Variants in ADCY2 observed in about 807,000 individuals in gnomAD.
The protein encoded by ADCY2 is adenylate cyclase 2.
Under a neutral mutation model 125.2 loss-of-function variants are expected in ADCY2, and 31 were observed. That is an observed-to-expected ratio of 0.25 (90% confidence interval 0.19 to 0.33). ADCY2 has a LOEUF of 0.33. Ranked by LOEUF, ADCY2 falls within the 10% of genes least tolerant of loss-of-function variation. The pLI, the probability that ADCY2 is intolerant of heterozygous loss-of-function variation, is 1.00. For missense variants in ADCY2, 904 were observed against 1,418.2 expected, an observed-to-expected ratio of 0.64 and a Z score of 5.82; for synonymous variants, 512 against 548.4, an observed-to-expected ratio of 0.93 and a Z score of 0.93.
intron 2 of ADCY2, among the ~76,000 whole-genome samples, chr5:7,449,210 G>A (rs1010874025): frequency 1.4e-4 from 21 of 152,028 alleles, no homozygotes; most frequent in African/African-American, 4.6e-4. Flanking sequence ...GTTTTGATTT[G>A]CATTTCTCTA....
At chr5:7,759,009 C>T (rs928491409) in intron 16 of ADCY2, among the ~76,000 whole-genome samples, 1 of 152,162 alleles carries the variant, frequency 6.6e-6, no homozygotes, top group Non-Finnish European at 1.5e-5. Flanking sequence ...GGTGATGCCA[C>T]CTGGACCCCA....
intron 7 of ADCY2, among the ~76,000 whole-genome samples, chr5:7,702,396 A>T (rs1028906371): frequency 2.7e-5 from 4 of 150,058 alleles, no homozygotes; most frequent in Admixed American, 1.3e-4. Context: ...ACCCCACGAC[A>T]GGCCCCGGTA....
At chr5:7,503,021 T>A (rs527852173) in intron 2 of ADCY2, among the ~76,000 whole-genome samples, 1 of 152,306 alleles carries the variant, frequency 6.6e-6, no homozygotes, top group South Asian at 2.1e-4. Flanking sequence ...GAGCTGTTTG[T>A]CTGGTGCCTA....
chr5:7,468,984 G>A (rs541181594), intron 2 of ADCY2, among the ~76,000 whole-genome samples: 3 of 152,164 alleles, frequency 2.0e-5, no homozygotes, highest in Admixed American at 2.0e-4. Context: ...GTCCTTACAA[G>A]GTCAAGGCAG....
intron 3 of ADCY2, among the ~76,000 whole-genome samples, chr5:7,529,958 T>C (rs571207375): frequency 4.6e-5 from 7 of 152,362 alleles, no homozygotes; most frequent in African/African-American, 1.7e-4. Context: ...CACTTCTGTC[T>C]TTCCCTACAG....
intron 3 of ADCY2, among the ~76,000 whole-genome samples, chr5:7,610,750 C>A (rs926055176): frequency 3.3e-5 from 5 of 152,078 alleles, no homozygotes; most frequent in Non-Finnish European, 7.4e-5. Flanking sequence ...GGCTTAGACT[C>A]CCTGTTGCCT....
chr5:7,652,880 A>T (rs1739145946), intron 4 of ADCY2, among the ~76,000 whole-genome samples: 1 of 152,148 alleles, frequency 6.6e-6, no homozygotes, highest in Non-Finnish European at 1.5e-5. Context: ...TATTACATAC[A>T]TTTTTCAGTG....
chr5:7,783,618 T>A (rs1000796944), intron 18 of ADCY2, among the ~76,000 whole-genome samples: 1 of 152,218 alleles, frequency 6.6e-6, no homozygotes, highest in Non-Finnish European at 1.5e-5. Flanking sequence ...ATGCTGCTTA[T>A]GTGACGTGGT....
intron 20 of ADCY2, among the ~76,000 whole-genome samples, chr5:7,790,827 G>A (rs1051542699): frequency 1.3e-5 from 2 of 152,182 alleles, no homozygotes; most frequent in Non-Finnish European, 2.9e-5. Context: ...AAACGGGGTA[G>A]ACAAGAGATG....
At chr5:7,452,954 T>G (rs941357037) in intron 2 of ADCY2, among the ~76,000 whole-genome samples, 2 of 152,170 alleles carry the variant, frequency 1.3e-5, no homozygotes, top group Admixed American at 1.3e-4. Context: ...GGATTATTTG[T>G]TTTTGTCCTT....
At chr5:7,739,622 A>G (rs952161355) in intron 14 of ADCY2, among the ~76,000 whole-genome samples, 9 of 150,976 alleles carry the variant, frequency 6.0e-5, no homozygotes, top group Admixed American at 5.9e-4. Flanking sequence ...AAGCCAAAAT[A>G]TGGCTCTTTG....
At position 7,825,014 on chromosome 5, in the gene ADCY2, C is replaced by CCTGTGTGCCATAACACTG. The variant is rs1399439749; in HGVS notation, c.3124-1684_3124-1667dup. 5.9e-5 allele frequency among the ~76,000 whole-genome samples: 9 copies of CCTGTGTGCCATAACACTG among 152,326 alleles called. No homozygotes were observed. The East Asian group carries it at 7.7e-4, about 13-fold the overall frequency. ...ACAACCAAAATTGTGCCATAACACC[C>CCTGTGTGCCATAACACTG]CTGTGTGCCATAACACTGCTGTGTG... On this transcript the variant is annotated intron_variant, in intron 24 of 24. Transcript: ENST00000338316.
chr5:7,787,628 G>A (rs955693665), intron 19 of ADCY2, among the ~76,000 whole-genome samples: 1 of 152,008 alleles, frequency 6.6e-6, no homozygotes, highest in African/African-American at 2.4e-5. Flanking sequence ...TGCATTGCTT[G>A]GGAAGGTGAT....
chr5:7,557,409 G>A (rs1735560353), intron 3 of ADCY2, among the ~76,000 whole-genome samples: 1 of 152,040 alleles, frequency 6.6e-6, no homozygotes, highest in Admixed American at 6.5e-5. Context: ...GGGTACATGT[G>A]TAGGTTTGTT....
intron 3 of ADCY2, among the ~76,000 whole-genome samples, chr5:7,582,578 A>G (rs1330472480): frequency 6.6e-6 from 1 of 152,172 alleles, no homozygotes; most frequent in Non-Finnish European, 1.5e-5. Flanking sequence ...TTTTGACCAT[A>G]TTAAGTTTAT....
At chr5:7,564,517 C>T (rs1270506293) in intron 3 of ADCY2, among the ~76,000 whole-genome samples, 1 of 152,152 alleles carries the variant, frequency 6.6e-6, no homozygotes, top group Non-Finnish European at 1.5e-5. Context: ...CTGATTCCTT[C>T]AAGGCCACCC....
intron 2 of ADCY2, among the ~76,000 whole-genome samples, chr5:7,448,405 T>C (rs573852031): frequency 6.6e-6 from 1 of 152,300 alleles, no homozygotes; most frequent in South Asian, 2.1e-4. Context: ...AGCAGATGGC[T>C]CTGACTTATT....
intron 22 of ADCY2, among the ~76,000 whole-genome samples, chr5:7,809,154 T>C (rs1264175798): frequency 6.6e-6 from 1 of 152,216 alleles, no homozygotes; most frequent in Non-Finnish European, 1.5e-5. Context: ...TTGTACCGTG[T>C]TTTGCATATT....
Position 7,763,293 on chromosome 5 carries a change from A to G in ADCY2, c.2095-3394A>G, listed in dbSNP as rs539734409. On this transcript the variant is annotated intron_variant, in intron 16 of 24. Coordinates refer to ENST00000338316, the MANE Select transcript of ADCY2 (RefSeq NM_020546.3). The stretch of plus-strand genomic sequence containing the variant: ...TTTTTAGTAGAGACGGGGTTTCACC[A>G]TGTTAGCCAAGATGGTCTCGATCTC... 2.6e-3 allele frequency among the ~76,000 whole-genome samples: 395 copies of G among 151,870 alleles called. 1 individual carries two copies. Among genetic ancestry groups the G allele is most frequent in the Non-Finnish European group, 4.4e-3 (298 of 67,936 alleles).
Sources: gnomAD v4.1 joint callset for allele counts (sites outside exome capture counted in the v4.1 genomes callset) on GRCh38, gnomAD v4.1.1 for gene constraint, MANE v1.5 for transcripts, NCBI Gene and HGNC (gene_info 2026-07-23, HGNC 2026-07-21) for gene names.